LRRC37A2: variants seen among roughly 807,000 people sequenced by gnomAD.
The protein encoded by LRRC37A2 is leucine rich repeat containing 37 member A2.
Under a neutral mutation model 68.8 loss-of-function variants are expected in LRRC37A2, and 9 were observed. That is an observed-to-expected ratio of 0.13 (90% CI 0.08 to 0.23). The LOEUF is 0.23. Ranked by LOEUF, LRRC37A2 falls within the 10% of genes least tolerant of loss-of-function variation. The pLI, the probability that LRRC37A2 is intolerant of heterozygous loss-of-function variation, is 1.00. For synonymous variants in LRRC37A2, 63 were observed against 367.6 expected (o/e 0.17, Z 9.48); for missense variants, 168 against 950.4 (o/e 0.18, Z 10.82).
the LRRC37A2 span, among the ~76,000 whole-genome samples, chr17:46,714,568 G>C: frequency 6.6e-6 from 1 of 152,262 alleles, no homozygotes; most frequent in East Asian, 1.9e-4. Context: ...GCATAGAATA[G>C]AATCCTAGAG....
the LRRC37A2 span, among the ~76,000 whole-genome samples, chr17:46,502,225 G>A: frequency 2.2e-4 from 34 of 151,176 alleles, no homozygotes; most frequent in Non-Finnish European, 1.5e-5. Flanking sequence ...AGAGGAGAGG[G>A]CATTCATATT....
the LRRC37A2 span, among the ~76,000 whole-genome samples, chr17:46,924,736 A>C: frequency 6.6e-6 from 1 of 152,232 alleles, no homozygotes. Context: ...ATTCTCACAT[A>C]AACGTTATAG....
chr17:46,791,151 C>T, the LRRC37A2 span, among the ~76,000 whole-genome samples: 1 of 152,114 alleles, frequency 6.6e-6, no homozygotes, highest in East Asian at 1.9e-4. Context: ...TTGGGGGCTC[C>T]ACACCTTCCT....
At chr17:46,861,574 C>A in the LRRC37A2 span, among the ~76,000 whole-genome samples, 1 of 152,178 alleles carries the variant, frequency 6.6e-6, no homozygotes, top group African/African-American at 2.4e-5. Context: ...AGAGACTTAT[C>A]CCCATCGGAC....
chr17:46,894,782 C>T, the LRRC37A2 span, among the ~76,000 whole-genome samples: 8 of 152,226 alleles, frequency 5.3e-5, no homozygotes, highest in African/African-American at 4.8e-5. Context: ...ATCAACCCAC[C>T]CGCTCTGATA....
the LRRC37A2 span, among the ~76,000 whole-genome samples, chr17:47,035,370 C>T: frequency 6.6e-6 from 1 of 152,186 alleles, no homozygotes; most frequent in African/African-American, 2.4e-5. Flanking sequence ...TACTTTGAGT[C>T]CCTATGGATT....
chr17:46,496,375 G>A, the LRRC37A2 span, among the ~76,000 whole-genome samples: 3 of 147,818 alleles, frequency 2.0e-5, no homozygotes, highest in Non-Finnish European at 4.4e-5. Flanking sequence ...AGGCCGAGGC[G>A]GGTGGATCAC....
chr17:46,545,777 G>A (rs1176870459), intron 8 of LRRC37A2, among the ~76,000 whole-genome samples: 1 of 146,806 alleles, frequency 6.8e-6, no homozygotes, highest in Admixed American at 6.7e-5. Context: ...AAATTGTCCA[G>A]ATTTGACCAA....
chr17:46,722,572 C>T, the LRRC37A2 span, among the ~76,000 whole-genome samples: 1 of 152,184 alleles, frequency 6.6e-6, no homozygotes, highest in South Asian at 2.1e-4. Flanking sequence ...CAGCTAACCT[C>T]ACGTACTTGC....
chr17:46,872,669 C>A, the LRRC37A2 span: 2 of 1,613,708 alleles, frequency 1.2e-6, no homozygotes, highest in South Asian at 1.1e-5. Context: ...CTGGCTGAGA[C>A]CCTGAGGGAT....
chr17:46,973,705 G>A, the LRRC37A2 span, among the ~76,000 whole-genome samples: 1 of 152,170 alleles, frequency 6.6e-6, no homozygotes, highest in African/African-American at 2.4e-5. Context: ...TATCTGCTGT[G>A]ATCTTTATTG....
intron 2 of LRRC37A2, among the ~76,000 whole-genome samples, chr17:46,516,370 C>T (rs1414060069): frequency 1.5e-5 from 2 of 133,796 alleles, no homozygotes; most frequent in East Asian, 4.3e-4. Context: ...TAATTAAGTA[C>T]TAAAAGATAA....
chr17:46,500,739 C>A, the LRRC37A2 span, among the ~76,000 whole-genome samples: 1 of 151,014 alleles, frequency 6.6e-6, no homozygotes, highest in East Asian at 1.9e-4. Flanking sequence ...CAATGAGTAG[C>A]AAAGTTTGAA....
the LRRC37A2 span, among the ~76,000 whole-genome samples, chr17:46,750,315 TGCACTC>T: frequency 6.6e-6 from 1 of 152,212 alleles, no homozygotes; most frequent in African/African-American, 2.4e-5. Context: ...ATTGTGCCAC[TGCACTC>T]CAGTCTGGGT....
At chr17:46,728,521 T>C in the LRRC37A2 span, among the ~76,000 whole-genome samples, 1 of 152,020 alleles carries the variant, frequency 6.6e-6, no homozygotes, top group Non-Finnish European at 1.5e-5. Context: ...CCCAGCTACC[T>C]GGGAGGCTTA....
chr17:46,872,691 C>G, the LRRC37A2 span: 1 of 1,613,428 alleles, frequency 6.2e-7, no homozygotes, highest in Non-Finnish European at 8.5e-7. Context: ...CTGCGCACCT[C>G]GGCCTGCTTG....
the LRRC37A2 span, chr17:46,749,684 A>T: frequency 8.1e-7 from 1 of 1,238,306 alleles, no homozygotes; most frequent in Admixed American, 2.4e-5. Context: ...GATTAAATAA[A>T]AGTCTTTTGC....
chr17:46,871,680 A>G, the LRRC37A2 span, among the ~76,000 whole-genome samples: 1 of 152,208 alleles, frequency 6.6e-6, no homozygotes. Flanking sequence ...CAAGGTGTCA[A>G]GATTGCATAG....
chr17:46,978,859 C>T, the LRRC37A2 span: 1 of 1,582,886 alleles, frequency 6.3e-7, no homozygotes, highest in Non-Finnish European at 8.6e-7. Flanking sequence ...CGCGGGGACC[C>T]CGTCGCTGGC....
Sources: gnomAD v4.1 joint callset for allele counts (sites outside exome capture counted in the v4.1 genomes callset) on GRCh38, gnomAD v4.1.1 for gene constraint, MANE v1.5 for transcripts, NCBI Gene and HGNC (gene_info 2026-07-23, HGNC 2026-07-21) for gene names.